The following KCNH8 variants were observed in gnomAD, a reference collection of about 807,000 sequenced individuals.
KCNH8 encodes the protein potassium voltage-gated channel subfamily H member 8, also known as voltage-gated delayed rectifier potassium channel KCNH8.
Under a neutral mutation model 103.6 loss-of-function variants are expected in KCNH8, and 70 were observed. The ratio of observed to expected loss-of-function variants is 0.68; its 90% CI spans 0.56 to 0.82. The LOEUF (loss-of-function observed/expected upper bound fraction) is 0.82. Among genes scored for constraint, KCNH8 ranks in the 40% least tolerant of loss-of-function variants. KCNH8 has a pLI of 0.00. For missense variants in KCNH8, 1,217 were observed against 1,329.9 expected, an observed-to-expected ratio of 0.92 and a Z score of 1.32; for synonymous variants, 498 against 489.4, an observed-to-expected ratio of 1.02 and a Z score of -0.23.
chr3:19,533,765 A>C lies in KCNH8; in HGVS notation c.2990A>C (p.His997Pro). Residue 997 changes from histidine (H) to proline (P), a missense_variant, in exon 16 of 16, where the codon CAC becomes CCC. Around this residue, in one of 3 missense-constraint regions of KCNH8, gnomAD observed 558 missense variants for 495.8 expected, o/e 1.13. Transcript: ENST00000328405. Reference sequence around the variant, plus strand: ...CCAAGCCTTGATTATTCACCTTCCCACTACCAGGTTGTCCAAGAAGGTCAT... The same window carrying C: ...CCAAGCCTTGATTATTCACCTTCCCCCTACCAGGTTGTCCAAGAAGGTCAT... ...HSPSLDYSPS[H>P]YQVVQEGHLQ... The C allele has an allele frequency of 6.2e-7, 1 of 1,614,110 alleles. No homozygotes were observed. The highest frequency in any genetic ancestry group is 8.5e-7 in the Non-Finnish European group (1 of 1,179,996).
intron 3 of KCNH8, among the ~76,000 whole-genome samples, chr3:19,320,927 G>C (rs1190597529): frequency 6.6e-6 from 1 of 151,656 alleles, no homozygotes; most frequent in African/African-American, 2.4e-5. Context: ...CATATTTCCA[G>C]GAATTTATTC....
chr3:19,446,233 A>G (rs1389551292), intron 8 of KCNH8, among the ~76,000 whole-genome samples: 1 of 152,038 alleles, frequency 6.6e-6, no homozygotes. Flanking sequence ...GCTTATAGTC[A>G]CCTAATGAGT....
At chr3:19,372,872 T>C (rs1259687179) in intron 5 of KCNH8, among the ~76,000 whole-genome samples, 4 of 152,042 alleles carry the variant, frequency 2.6e-5, no homozygotes, top group Admixed American at 1.3e-4. Flanking sequence ...GAGAGAACCA[T>C]GTGGTTTTTG....
intron 7 of KCNH8, among the ~76,000 whole-genome samples, chr3:19,425,085 A>G (rs2067008577): frequency 6.6e-6 from 1 of 152,196 alleles, no homozygotes. Context: ...CTTGAAAGAA[A>G]AGGAAAACAT....
chr3:19,498,631 G>A (rs528011134), intron 11 of KCNH8, among the ~76,000 whole-genome samples: 57 of 152,300 alleles, frequency 3.7e-4, no homozygotes, highest in East Asian at 1.7e-3. Context: ...GAGGAACTGC[G>A]TTCCTTTGGA....
chr3:19,334,229 C>T (rs2065551041), intron 3 of KCNH8, among the ~76,000 whole-genome samples: 1 of 152,176 alleles, frequency 6.6e-6, no homozygotes, highest in South Asian at 2.1e-4. Flanking sequence ...TGGACAGGTA[C>T]ACTCGCAGCA....
At chr3:19,411,032 T>G (rs1336451005) in intron 7 of KCNH8, among the ~76,000 whole-genome samples, 1 of 151,982 alleles carries the variant, frequency 6.6e-6, no homozygotes, top group East Asian at 1.9e-4. Flanking sequence ...TAGCACACCC[T>G]AATACCAAAA....
chr3:19,530,902 T>C (rs1266746037), intron 15 of KCNH8, among the ~76,000 whole-genome samples: 1 of 152,192 alleles, frequency 6.6e-6, no homozygotes, highest in Non-Finnish European at 1.5e-5. Flanking sequence ...CACCTCTGAG[T>C]CTTATTGCTC....
At chr3:19,281,798 A>G (rs2064760558) in intron 3 of KCNH8, among the ~76,000 whole-genome samples, 2 of 152,108 alleles carry the variant, frequency 1.3e-5, no homozygotes, top group Non-Finnish European at 1.5e-5. Context: ...TTGCAAACAA[A>G]TGTGAATCCT....
intron 1 of KCNH8, among the ~76,000 whole-genome samples, chr3:19,213,966 G>A (rs138308180): frequency 6.6e-6 from 1 of 152,264 alleles, no homozygotes; most frequent in East Asian, 1.9e-4. Context: ...CCAGAGGTAG[G>A]CATGGCTAGC....
chr3:19,247,286 A>G (rs1354349764), intron 1 of KCNH8, among the ~76,000 whole-genome samples: 1 of 152,224 alleles, frequency 6.6e-6, no homozygotes, highest in East Asian at 1.9e-4. Context: ...AGCCAGTACT[A>G]TTAATCTAAT....
At chr3:19,216,272 A>G (rs1379287774) in intron 1 of KCNH8, among the ~76,000 whole-genome samples, 1 of 152,220 alleles carries the variant, frequency 6.6e-6, no homozygotes. Context: ...AACAACTTAC[A>G]GTGCTAGCAG....
At chr3:19,380,415 C>T (rs148195313) in intron 5 of KCNH8, among the ~76,000 whole-genome samples, 1,753 of 152,254 alleles carry the variant, frequency 0.012, 15 homozygotes, top group South Asian at 0.02. Context: ...AGGTGTACTT[C>T]GGCACTAACA....
intron 3 of KCNH8, among the ~76,000 whole-genome samples, chr3:19,285,847 T>C (rs2064824506): frequency 6.6e-6 from 1 of 152,190 alleles, no homozygotes; most frequent in South Asian, 2.1e-4. Context: ...CGATACAGTA[T>C]GTTCAGTAGA....
At chr3:19,370,293 T>A (rs1003837184) in intron 5 of KCNH8, among the ~76,000 whole-genome samples, 1 of 152,078 alleles carries the variant, frequency 6.6e-6, no homozygotes, top group African/African-American at 2.4e-5. Context: ...AGAAACAGTT[T>A]TTGTACTCTC....
intron 3 of KCNH8, among the ~76,000 whole-genome samples, chr3:19,341,781 C>T (rs1003933250): frequency 6.6e-6 from 1 of 151,968 alleles, no homozygotes; most frequent in Non-Finnish European, 1.5e-5. Flanking sequence ...GGCCAATATT[C>T]ATTTGATAGT....
intron 15 of KCNH8, among the ~76,000 whole-genome samples, chr3:19,525,452 CA>C (rs1322555253): frequency 3.3e-5 from 5 of 151,858 alleles, no homozygotes; most frequent in African/African-American, 1.2e-4. Flanking sequence ...GACAAACTTT[CA>C]TTTGATGTTT....
intron 3 of KCNH8, among the ~76,000 whole-genome samples, chr3:19,291,780 T>C (rs1189598787): frequency 6.6e-6 from 1 of 152,178 alleles, no homozygotes; most frequent in Non-Finnish European, 1.5e-5. Flanking sequence ...CAGAGCTGAG[T>C]TCAATTCCTG....
At chr3:19,320,531 C>T (rs1257347356) in intron 3 of KCNH8, among the ~76,000 whole-genome samples, 1 of 151,986 alleles carries the variant, frequency 6.6e-6, no homozygotes, top group African/African-American at 2.4e-5. Flanking sequence ...ATGAAACCCA[C>T]TTGGTCATGG....
Sources: gnomAD v4.1 joint callset for allele counts (sites outside exome capture counted in the v4.1 genomes callset) on GRCh38, gnomAD v4.1.1 for gene constraint, gnomAD v4.1.1 regional missense constraint, MANE v1.5 for transcripts, NCBI Gene and HGNC (gene_info 2026-07-23, HGNC 2026-07-21) for gene names.